Variants in LVRN observed in about 807,000 individuals in gnomAD.
LVRN encodes aminopeptidase Q.
Under a neutral mutation model 111.4 loss-of-function variants are expected in LVRN, and 99 were observed. The ratio of observed to expected loss-of-function variants is 0.89; its 90% CI spans 0.76 to 1.05. The LOEUF is 1.05. Ranked by LOEUF, LVRN falls within the 50% of genes least tolerant of loss-of-function variation. The pLI is 0.00. For synonymous variants in LVRN, 488 were observed against 449.5 expected (o/e 1.09, Z -1.08); for missense variants, 1,414 against 1,206.8 (o/e 1.17, Z -2.54).
At chr5:115,964,603 T>C (rs960194498) in intron 1 of LVRN, among the ~76,000 whole-genome samples, 1 of 152,146 alleles carries the variant, frequency 6.6e-6, no homozygotes, top group Admixed American at 6.5e-5. Context: ...ATCTGACTTT[T>C]TTTTTTTTCT....
chr5:115,989,117 T>C (rs1232648397), intron 4 of LVRN, among the ~76,000 whole-genome samples: 1 of 152,180 alleles, frequency 6.6e-6, no homozygotes, highest in African/African-American at 2.4e-5. Context: ...CAAGCCATCC[T>C]TTATATGAAA....
At chr5:115,993,877 T>C in intron 6 of LVRN, 23 bp downstream of exon 6, 1 of 1,405,960 alleles carries the variant, frequency 7.1e-7, no homozygotes, top group South Asian at 1.4e-5. Context: ...ACTAAGTTTA[T>C]TTAACATTTT....
intron 13 of LVRN, among the ~76,000 whole-genome samples, chr5:116,008,195 T>A (rs1016644360): frequency 4.6e-5 from 7 of 151,554 alleles, no homozygotes; most frequent in African/African-American, 1.7e-4. Context: ...ACAAAAAAAA[T>A]CAGCCAGGTG....
chr5:116,008,422 G>C (rs994732128), intron 13 of LVRN, among the ~76,000 whole-genome samples: 8 of 152,072 alleles, frequency 5.3e-5, no homozygotes, highest in African/African-American at 1.2e-4. Flanking sequence ...AAGTGAAAGG[G>C]GGAGTCCTGA....
chr5:115,962,636 T>C lies in LVRN; in HGVS notation c.19T>C (p.Ser7Pro). The part of the protein sequence containing the change: MGPPSS[S>P]GFYVSRAVAL... ...CCCTGCCATGGGGCCCCCTTCCAGC[T>C]CAGGCTTCTATGTGAGCCGCGCAGT... The change falls in exon 1 of 20, where the codon TCA becomes CCA. Residue 7 changes from serine (S) to proline (P), a missense_variant. Physicochemically the swap from Ser to Pro is moderately conservative, Grantham distance 74. Transcript: ENST00000357872. 1 of 1,601,662 alleles carries C rather than the reference T, an allele frequency of 6.2e-7. No individual in the cohort carries two copies. Among genetic ancestry groups the C allele is most frequent in the African/African-American group, 1.3e-5 (1 of 74,834 alleles).
At chr5:116,022,325 A>C in intron 18 of LVRN, 66 bp from the exon 19 acceptor site, 2 of 1,097,158 alleles carry the variant, frequency 1.8e-6, no homozygotes, top group Non-Finnish European at 2.8e-6. Flanking sequence ...TTCATCTGCT[A>C]TATAAAATAT....
At chr5:115,967,056 T>C (rs1443208159) in intron 1 of LVRN, among the ~76,000 whole-genome samples, 1 of 152,216 alleles carries the variant, frequency 6.6e-6, no homozygotes, top group African/African-American at 2.4e-5. Context: ...GTGAGATATA[T>C]ATGGTTTGCA....
In LVRN at chr5:115,992,175, A is replaced by T. The variant is rs1748007804; in HGVS notation, c.1158A>T (p.Leu386=). 4 of 1,613,908 alleles carry T rather than the reference A, an allele frequency of 2.5e-6. No individual in the cohort carries two copies. Among genetic ancestry groups the T allele is most frequent in the Non-Finnish European group, 3.4e-6 (4 of 1,179,842 alleles). Residue 386 remains leucine, a synonymous_variant, in exon 5 of 20, where the codon CTA becomes CTT. Coordinates refer to ENST00000357872, the MANE Select transcript of LVRN (RefSeq NM_173800.5). ...FDNHAMENWG[L]MIFDESGLLL... is the part of the protein sequence containing the mutation. ...ACCATGCAATGGAAAACTGGGGACTAATGATATTTGATGAATCAGGATTGT... is the reference window on the plus strand; with the variant it reads ...ACCATGCAATGGAAAACTGGGGACTTATGATATTTGATGAATCAGGATTGT...
At chr5:115,984,949 G>T (rs1005098866) in intron 3 of LVRN, among the ~76,000 whole-genome samples, 2 of 152,170 alleles carry the variant, frequency 1.3e-5, no homozygotes, top group Non-Finnish European at 2.9e-5. Flanking sequence ...TCAAGGCAAG[G>T]TCTGTGCCCC....
intron 10 of LVRN, among the ~76,000 whole-genome samples, chr5:116,002,106 G>A (rs1748249039): frequency 6.6e-6 from 1 of 152,162 alleles, no homozygotes; most frequent in African/African-American, 2.4e-5. Context: ...GAAATGGGAC[G>A]CTCAAAGTTT....
intron 1 of LVRN, among the ~76,000 whole-genome samples, chr5:115,977,382 GC>G (rs1753471042): frequency 2.0e-5 from 3 of 152,100 alleles, no homozygotes; most frequent in African/African-American, 7.2e-5. Context: ...CATTTGCTTT[GC>G]TTGTTTCTCT....
At chr5:115,980,198 G>A (rs1561556326) in intron 1 of LVRN, among the ~76,000 whole-genome samples, 1 of 152,008 alleles carries the variant, frequency 6.6e-6, no homozygotes, top group Non-Finnish European at 1.5e-5. Flanking sequence ...GGAGAGGGTG[G>A]TGGATGGTTC....
chr5:115,984,857 C>T, intron 3 of LVRN, 148 bp downstream of exon 3: 1 of 1,130,310 alleles, frequency 8.8e-7, no homozygotes. Flanking sequence ...CTTAGTGTGG[C>T]TTTGCAGAAT....
chr5:116,011,250 T>A (rs1363017621), intron 14 of LVRN, among the ~76,000 whole-genome samples: 4 of 151,734 alleles, frequency 2.6e-5, no homozygotes, highest in Non-Finnish European at 5.9e-5. Flanking sequence ...TAAGAGATTG[T>A]TAGGCAGCCA....
intron 6 of LVRN, among the ~76,000 whole-genome samples, chr5:115,999,074 G>A (rs929519543): frequency 1.3e-5 from 2 of 152,054 alleles, no homozygotes; most frequent in Admixed American, 6.6e-5. Context: ...AACGTGTGCC[G>A]GTATAACTTC....
intron 6 of LVRN, among the ~76,000 whole-genome samples, chr5:115,999,371 A>G (rs1057437718): frequency 1.3e-5 from 2 of 152,182 alleles, no homozygotes; most frequent in African/African-American, 2.4e-5. Context: ...GTAAATATTC[A>G]TGAAAGAGAG....
At chr5:115,987,327 TAAGTA>T (rs1173024339) in intron 3 of LVRN, among the ~76,000 whole-genome samples, 1 of 152,228 alleles carries the variant, frequency 6.6e-6, no homozygotes, top group Non-Finnish European at 1.5e-5. Context: ...TCAAATTTTG[TAAGTA>T]AAGTAGGACT....
chr5:115,984,038 C>T (rs928376241), intron 2 of LVRN, among the ~76,000 whole-genome samples: 2 of 152,156 alleles, frequency 1.3e-5, no homozygotes, highest in Admixed American at 6.6e-5. Flanking sequence ...CTCCTGCAGC[C>T]GCTTCTCAGA....
At chr5:116,000,323 T>C in intron 7 of LVRN, 110 bp from the exon 8 acceptor site, 1 of 1,429,860 alleles carries the variant, frequency 7.0e-7, no homozygotes, top group South Asian at 1.2e-5. Flanking sequence ...TCAACTAAAA[T>C]GCAAAATGCA....
Sources: allele counts gnomAD v4.1 joint callset (sites outside exome capture counted in the v4.1 genomes callset), GRCh38; gene constraint gnomAD v4.1.1; transcripts MANE v1.5; gene names NCBI Gene and HGNC (gene_info 2026-07-23, HGNC 2026-07-21).